The following CSMD1 variants were observed in gnomAD, a reference collection of about 807,000 sequenced individuals.
CSMD1 encodes the protein CUB and sushi domain-containing protein 1.
In CSMD1, 213 loss-of-function variants were observed where a neutral mutation model predicts 417.5. The observed-to-expected ratio is 0.51, with a 90% CI of 0.46 to 0.57. The LOEUF (loss-of-function observed/expected upper bound fraction) is 0.57, where lower values mean the gene tolerates loss of function less well. Ranked by LOEUF, CSMD1 falls within the 20% of genes least tolerant of loss-of-function variation. The pLI is 0.00. For missense variants in CSMD1, 6,923 were observed against 4,529.7 expected (o/e 1.53, Z -15.17); for synonymous variants, 2,862 against 1,736.8 (o/e 1.65, Z -16.11).
chr8:3,389,409 C>A (rs966320778), intron 17 of CSMD1, among the ~76,000 whole-genome samples: 1 of 152,128 alleles, frequency 6.6e-6, no homozygotes, highest in African/African-American at 2.4e-5. Context: ...AGGATAATGA[C>A]ATCCAGCTCC....
chr8:4,113,430 T>C (rs1368016753), intron 3 of CSMD1, among the ~76,000 whole-genome samples: 3 of 134,204 alleles, frequency 2.2e-5, no homozygotes, highest in Non-Finnish European at 3.1e-5. Context: ...AATGAGACAG[T>C]ATCTCGCTCT....
Position 3,551,577 on chromosome 8 carries a change from T to C in CSMD1, c.1344+23368A>G, listed in dbSNP as rs144560742. Among the ~76,000 whole-genome samples, 493 of 108,900 alleles carry C rather than the reference T, an allele frequency of 4.5e-3. 1 individual carries two copies. Among genetic ancestry groups the C allele is most frequent in the African/African-American group, 0.018 (468 of 25,696 alleles). The allele number at this position is 108,900 out of a possible 152,430, so 71.4% of individuals were successfully genotyped here. A position where few individuals can be genotyped will look rare whatever the true frequency, so the allele number is the denominator to read the frequency against. On this transcript the variant is annotated intron_variant, in intron 10 of 69. Transcript: ENST00000635120. ...TTTCAGAATTGTCTTCTAATAAATA[T>C]GTATATATATATATATATATTTTTT...
At chr8:3,699,072 C>T (rs902247042) in intron 7 of CSMD1, among the ~76,000 whole-genome samples, 3 of 152,120 alleles carry the variant, frequency 2.0e-5, no homozygotes, top group African/African-American at 4.8e-5. Flanking sequence ...AGGCAGCATG[C>T]ATTCGCTGAA....
intron 11 of CSMD1, among the ~76,000 whole-genome samples, chr8:3,484,911 G>C (rs528759773): frequency 3.9e-5 from 6 of 152,136 alleles, no homozygotes; most frequent in Non-Finnish European, 8.8e-5. Context: ...AAAAAGTGGT[G>C]ATAAAACCAA....
At chr8:3,170,073 C>G (rs373042880) in intron 37 of CSMD1, among the ~76,000 whole-genome samples, 4 of 152,280 alleles carry the variant, frequency 2.6e-5, no homozygotes, top group African/African-American at 7.2e-5. Context: ...AAAGCTTCTA[C>G]TCTCCTTTGC....
chr8:3,878,863 AACTG>A (rs1248392056), intron 5 of CSMD1, among the ~76,000 whole-genome samples: 1 of 152,196 alleles, frequency 6.6e-6, no homozygotes, highest in Non-Finnish European at 1.5e-5. Flanking sequence ...AACCATAATA[AACTG>A]ACTGAGCTTA....
chr8:3,831,857 A>C (rs1226842213), intron 5 of CSMD1, among the ~76,000 whole-genome samples: 2 of 152,206 alleles, frequency 1.3e-5, no homozygotes, highest in East Asian at 1.9e-4. Flanking sequence ...TTCATATAAC[A>C]TAGCATCTTT....
At chr8:4,022,358 A>G (rs1037903032) in intron 4 of CSMD1, among the ~76,000 whole-genome samples, 1 of 152,060 alleles carries the variant, frequency 6.6e-6, no homozygotes, top group East Asian at 1.9e-4. Flanking sequence ...TAGCATACTT[A>G]AAATCATGAA....
chr8:4,695,429 C>G (rs530494065), intron 1 of CSMD1, among the ~76,000 whole-genome samples: 113 of 152,266 alleles, frequency 7.4e-4, no homozygotes, highest in African/African-American at 2.6e-3. Context: ...TCGCGGATGA[C>G]CAGTGACATT....
chr8:3,497,542 T>C (rs1796418259), intron 10 of CSMD1, among the ~76,000 whole-genome samples: 1 of 152,276 alleles, frequency 6.6e-6, no homozygotes, highest in Non-Finnish European at 1.5e-5. Context: ...GTATCTGGGA[T>C]TACAGGGTCA....
intron 6 of CSMD1, among the ~76,000 whole-genome samples, chr8:3,721,633 C>A (rs10090572): frequency 0.68 from 102,759 of 152,036 alleles, 36,354 homozygotes; most frequent in South Asian, 0.82. Context: ...TCTTATTTTG[C>A]AAATACCTTT....
Position 4,830,796 on chromosome 8 carries a change from T to G in CSMD1, c.85+163536A>C, listed in dbSNP as rs1800105452. Among the ~76,000 whole-genome samples, 3 of 152,294 alleles carry G rather than the reference T, an allele frequency of 2.0e-5. No individual in the cohort carries two copies. In the South Asian group the frequency reaches 6.2e-4, roughly 32 times the overall value. On this transcript the variant is annotated intron_variant, in intron 1 of 69. Coordinates refer to ENST00000635120, the MANE Select transcript of CSMD1 (RefSeq NM_033225.6). ...GGTCATTCCAGAGTCAAGTGCAGCCTACTGTGAGGTTAATGTGGAATGAGC... is the reference window on the plus strand; with the variant it reads ...GGTCATTCCAGAGTCAAGTGCAGCCGACTGTGAGGTTAATGTGGAATGAGC...
chr8:3,364,031 ATAAACTCGAT>A (rs1809387711), intron 20 of CSMD1, among the ~76,000 whole-genome samples: 1 of 152,232 alleles, frequency 6.6e-6, no homozygotes, highest in Non-Finnish European at 1.5e-5. Flanking sequence ...AAAGGCAGAA[ATAAACTCGAT>A]TAACAGGAAA....
At chr8:4,419,371 C>G (rs550761319) in intron 3 of CSMD1, among the ~76,000 whole-genome samples, 2 of 152,244 alleles carry the variant, frequency 1.3e-5, no homozygotes, top group East Asian at 3.9e-4. Flanking sequence ...AGTTCTATCT[C>G]TGCATTTAAA....
At chr8:4,036,413 A>G (rs941970703) in intron 3 of CSMD1, among the ~76,000 whole-genome samples, 2 of 152,224 alleles carry the variant, frequency 1.3e-5, no homozygotes, top group African/African-American at 4.8e-5. Flanking sequence ...ATTGACTTAC[A>G]TATTTCTGAA....
At chr8:3,786,785 G>C (rs763281467) in intron 5 of CSMD1, among the ~76,000 whole-genome samples, 3 of 152,142 alleles carry the variant, frequency 2.0e-5, no homozygotes, top group Non-Finnish European at 4.4e-5. Flanking sequence ...TCTTCCCCTT[G>C]CGTCCTCAGG....
Position 4,053,115 on chromosome 8 carries a change from T to TG in CSMD1, c.416-21017dup, listed in dbSNP as rs1265279780. Among the ~76,000 whole-genome samples, 11 of 152,278 alleles carry TG rather than the reference T, an allele frequency of 7.2e-5. No individual in the cohort carries two copies. The East Asian group carries it at 1.7e-3, about 24-fold the overall frequency. ...AGAAGGGGCTGATACGAGGACCCCT[T>TG]GCCCAGGAAGCTTCTCCATGGGTGC... On this transcript the variant is annotated intron_variant, in intron 3 of 69. Transcript: ENST00000635120.
At chr8:3,768,917 C>T (rs1382654928) in intron 5 of CSMD1, among the ~76,000 whole-genome samples, 2 of 152,220 alleles carry the variant, frequency 1.3e-5, no homozygotes, top group African/African-American at 4.8e-5. Flanking sequence ...ACTTAGCACT[C>T]ACTGCTTTTC....
chr8:4,485,784 T>G (rs1213043881), intron 2 of CSMD1, among the ~76,000 whole-genome samples: 2 of 152,078 alleles, frequency 1.3e-5, no homozygotes, highest in African/African-American at 2.4e-5. Context: ...CATACTGAAA[T>G]GCATCTGCTA....
Sources: gnomAD v4.1 joint callset for allele counts (sites outside exome capture counted in the v4.1 genomes callset) on GRCh38, gnomAD v4.1.1 for gene constraint, MANE v1.5 for transcripts, NCBI Gene and HGNC (gene_info 2026-07-23, HGNC 2026-07-21) for gene names.